The following TRIM2 variants were observed in gnomAD, a reference collection of about 807,000 sequenced individuals.
TRIM2 encodes tripartite motif containing 2, also known as tripartite motif-containing protein 2.
A neutral mutation model predicts 75.2 loss-of-function variants in TRIM2; 20 were observed. The ratio of observed to expected loss-of-function variants is 0.27; its 90% CI spans 0.19 to 0.39. The LOEUF (loss-of-function observed/expected upper bound fraction) is 0.39, where lower values mean the gene tolerates loss of function less well. TRIM2 is among the 10% of genes least tolerant of loss of function. The pLI is 1.00. For missense variants in TRIM2, 660 were observed against 990.8 expected (o/e 0.67, Z 4.48); for synonymous variants, 373 against 388.3 (o/e 0.96, Z 0.46).
At chr4:153,333,657 C>T (rs969362470) in intron 11 of TRIM2, among the ~76,000 whole-genome samples, 3 of 152,030 alleles carry the variant, frequency 2.0e-5, no homozygotes, top group Non-Finnish European at 4.4e-5. Context: ...ATATAATCAG[C>T]CCCCCGTACC....
At chr4:153,268,491 TTC>T (rs1755851041) in intron 1 of TRIM2, among the ~76,000 whole-genome samples, 1 of 152,238 alleles carries the variant, frequency 6.6e-6, no homozygotes, top group African/African-American at 2.4e-5. Flanking sequence ...TCTGATCTCT[TTC>T]ACTGCCATAA....
Position 153,248,276 on chromosome 4 carries a change from G to A in TRIM2, c.31-22059G>A, listed in dbSNP as rs1184440410. ...CTCCCAAAGTGCTGAGATTACAGGC[G>A]TGAGCCACCGCACCCGGCCTAGATC... On this transcript the variant is annotated intron_variant, in intron 1 of 11. Transcript: ENST00000338700. The surrounding 1 kb of genome is among the most constrained non-coding windows in gnomAD (Gnocchi z 4.0). 2.0e-5 allele frequency among the ~76,000 whole-genome samples: 3 copies of A among 152,306 alleles called. No individual in the cohort carries two copies. The highest frequency in any genetic ancestry group is 6.5e-5 in the Admixed American group (1 of 15,306).
chr4:153,210,268 T>A (rs528298721), intron 1 of TRIM2, among the ~76,000 whole-genome samples: 17 of 152,190 alleles, frequency 1.1e-4, no homozygotes, highest in South Asian at 1.0e-3. Flanking sequence ...TTTTGCCACA[T>A]TGGCCAGGCC....
chr4:153,161,597 C>G (rs915646019), intron 1 of TRIM2, among the ~76,000 whole-genome samples: 2 of 152,154 alleles, frequency 1.3e-5, no homozygotes, highest in South Asian at 2.1e-4. Flanking sequence ...TATTCTGCTC[C>G]CCTTGGAGTT....
chr4:153,272,546 G>T (rs535146360), intron 2 of TRIM2, among the ~76,000 whole-genome samples: 1 of 151,990 alleles, frequency 6.6e-6, no homozygotes, highest in Non-Finnish European at 1.5e-5. Flanking sequence ...GAGTGCAGTG[G>T]CACAATCACA....
rs1261864511 is a variant in TRIM2 at position 153,248,986 on chromosome 4, C to T, written c.31-21349C>T. On this transcript the variant is annotated intron_variant, in intron 1 of 11. Coordinates refer to ENST00000338700, the MANE Select transcript of TRIM2 (RefSeq NM_015271.5). This position sits in a 1 kb window ranked among gnomAD's most constrained non-coding sequence, Gnocchi z 4.0. Reference sequence around the variant, plus strand: ...GGGTTAGCAGGCAAAGAGCTGTGGACCCCGGACACGGGAAAAGGCCACAGT... The same window carrying T: ...GGGTTAGCAGGCAAAGAGCTGTGGATCCCGGACACGGGAAAAGGCCACAGT... 6.6e-6 allele frequency among the ~76,000 whole-genome samples: 1 copy of T among 152,248 alleles called. No individual in the cohort carries two copies.
At chr4:153,307,634 T>G (rs1765302353) in intron 6 of TRIM2, among the ~76,000 whole-genome samples, 4 of 151,994 alleles carry the variant, frequency 2.6e-5, no homozygotes, top group Admixed American at 2.6e-4. Context: ...AAAATGAGGT[T>G]GGGGGCAATG....
At chr4:153,276,537 C>T (rs1472189044) in intron 3 of TRIM2, among the ~76,000 whole-genome samples, 1 of 152,126 alleles carries the variant, frequency 6.6e-6, no homozygotes, top group Non-Finnish European at 1.5e-5. Context: ...CTACATTAGA[C>T]CTTATTCCTT....
chr4:153,200,560 A>G (rs576553517), upstream of TRIM2, among the ~76,000 whole-genome samples: 1 of 152,078 alleles, frequency 6.6e-6, no homozygotes, highest in South Asian at 2.1e-4. Flanking sequence ...CAGAAGTAGA[A>G]TTGCTTGCTC....
chr4:153,336,107 T>C lies in TRIM2; in HGVS notation c.*1141T>C, dbSNP rs1187358339. 5 of 971,004 alleles carry C rather than the reference T, an allele frequency of 5.1e-6. No homozygotes were observed. Among genetic ancestry groups the C allele is most frequent in the East Asian group, 1.1e-4 (1 of 8,768 alleles). 60.1% of individuals were successfully genotyped at this position (971,004 alleles called of 1,614,324 possible). On this transcript the variant is annotated 3_prime_UTR_variant, in exon 12 of 12. Transcript: ENST00000338700. ...CTATGTATACATGATTAGGGTAAGA[T>C]AGAATGTATTATATATATATATATA...
At chr4:153,281,717 T>C (rs895136179) in intron 3 of TRIM2, among the ~76,000 whole-genome samples, 2 of 152,244 alleles carry the variant, frequency 1.3e-5, no homozygotes, top group African/African-American at 2.4e-5. Flanking sequence ...TGTGACACTA[T>C]CTGTCTTCTA....
chr4:153,202,567 C>CAT, upstream of TRIM2, among the ~76,000 whole-genome samples: 1 of 152,136 alleles, frequency 6.6e-6, no homozygotes, highest in South Asian at 2.1e-4. Context: ...GGCATGGCGG[C>CAT]ATGCGCCTGT....
At chr4:153,244,322 T>TCCTCTTCCTCTTCC (rs1747964991) in intron 1 of TRIM2, among the ~76,000 whole-genome samples, 1 of 15,794 alleles carries the variant, frequency 6.3e-5, no homozygotes, top group Non-Finnish European at 1.0e-4. Context: ...CCTCCTCCTC[T>TCCTCTTCCTCTTCC]TCTTCTTCTT....
At chr4:153,302,265 C>T (rs559857079) in intron 6 of TRIM2, among the ~76,000 whole-genome samples, 2 of 152,192 alleles carry the variant, frequency 1.3e-5, no homozygotes, top group Admixed American at 1.3e-4. Flanking sequence ...ACTTTACATT[C>T]AAATCCAGTA....
At chr4:153,312,523 G>T (rs988941910) in intron 6 of TRIM2, among the ~76,000 whole-genome samples, 34 of 152,196 alleles carry the variant, frequency 2.2e-4, no homozygotes, top group Non-Finnish European at 4.4e-4. Flanking sequence ...TCTCACACCA[G>T]TTAGAATGGC....
At chr4:153,154,547 C>T (rs953599526) in intron 1 of TRIM2, among the ~76,000 whole-genome samples, 1 of 152,140 alleles carries the variant, frequency 6.6e-6, no homozygotes, top group Non-Finnish European at 1.5e-5. Flanking sequence ...TGCGTGTCTT[C>T]CATCTCCCAC....
chr4:153,172,859 A>C (rs1452917720), intron 1 of TRIM2, among the ~76,000 whole-genome samples: 1 of 152,216 alleles, frequency 6.6e-6, no homozygotes, highest in Non-Finnish European at 1.5e-5. Flanking sequence ...AGCTCAAGAC[A>C]GAGACAGCAA....
Position 153,244,439 on chromosome 4 carries a change from T to TCTTCTTCTTCTTCTTCTTCTTCTTCTTTC in TRIM2, c.31-25896_31-25895insCTTCTTCTTCTTCTTCTTCTTCTTCTTTC, listed in dbSNP as rs1560876034. On this transcript the variant is annotated intron_variant, in intron 1 of 11. Transcript: ENST00000338700. ...CTTCTTCTTCTTCTTCTTCTTCTTT[T>TCTTCTTCTTCTTCTTCTTCTTCTTCTTTC]AATTAGAGAGGAGGCCTCACTATGT... Among the ~76,000 whole-genome samples, 6 of 104,210 alleles carry TCTTCTTCTTCTTCTTCTTCTTCTTCTTTC rather than the reference T, an allele frequency of 5.8e-5. 1 individual carries two copies. The highest frequency in any genetic ancestry group is 3.2e-4 in the African/African-American group (6 of 18,658). The allele number at this position is 104,210 out of a possible 152,430, so 68.4% of individuals were successfully genotyped here. A position where few individuals can be genotyped will look rare whatever the true frequency, so the allele number is the denominator to read the frequency against.
chr4:153,214,058 C>T (rs189421366), intron 1 of TRIM2, among the ~76,000 whole-genome samples: 1 of 152,032 alleles, frequency 6.6e-6, no homozygotes, highest in East Asian at 1.9e-4. Context: ...ATGATAGTGT[C>T]TAGACAATAT....
Sources: allele counts gnomAD v4.1 joint callset (sites outside exome capture counted in the v4.1 genomes callset), GRCh38; gene constraint gnomAD v4.1.1; non-coding constraint Gnocchi (gnomAD v3.1); transcripts MANE v1.5; gene names NCBI Gene and HGNC (gene_info 2026-07-23, HGNC 2026-07-21).